Variants in BMPR2 observed in about 807,000 individuals in gnomAD.
BMPR2 encodes bone morphogenetic protein receptor type 2, also known as bone morphogenetic protein receptor type-2.
A neutral mutation model predicts 100.8 loss-of-function variants in BMPR2; 29 were observed. The ratio of observed to expected loss-of-function variants is 0.29; its 90% CI spans 0.21 to 0.39. BMPR2 has a LOEUF of 0.39. Among genes scored for constraint, BMPR2 ranks in the 10% least tolerant of loss-of-function variants. The pLI, the probability that BMPR2 is intolerant of heterozygous loss-of-function variation, is 1.00. For synonymous variants in BMPR2, 382 were observed against 442.3 expected, an observed-to-expected ratio of 0.86 and a Z score of 1.71; for missense variants, 1,011 against 1,274.5, an observed-to-expected ratio of 0.79 and a Z score of 3.15.
At chr2:202,466,103 A>G (rs1027664506) in intron 2 of BMPR2, among the ~76,000 whole-genome samples, 5 of 152,134 alleles carry the variant, frequency 3.3e-5, no homozygotes, top group African/African-American at 1.2e-4. Context: ...TTTAAACATA[A>G]TTTTTTGATT....
chr2:202,515,299 C>T (rs1046127461), intron 5 of BMPR2, among the ~76,000 whole-genome samples: 6 of 152,004 alleles, frequency 3.9e-5, no homozygotes, highest in African/African-American at 1.5e-4. Flanking sequence ...GGGCCAGGCG[C>T]AGTGGCTCAT....
chr2:202,550,303 G>A (rs1359709679), intron 10 of BMPR2, among the ~76,000 whole-genome samples: 2 of 151,284 alleles, frequency 1.3e-5, no homozygotes, highest in Non-Finnish European at 2.9e-5. Context: ...AACCCAAGAG[G>A]TGGAGCTTGC....
intron 2 of BMPR2, 51 bp from the exon 3 acceptor site, chr2:202,467,468 T>C (rs1559047484): frequency 1.4e-6 from 2 of 1,470,798 alleles, no homozygotes; most frequent in Non-Finnish European, 1.9e-6. Flanking sequence ...GTTTTTCTCT[T>C]AGTTTTCTTT....
At chr2:202,402,391 G>A (rs1272885264) in intron 1 of BMPR2, among the ~76,000 whole-genome samples, 5 of 152,112 alleles carry the variant, frequency 3.3e-5, no homozygotes, top group South Asian at 2.1e-4. Flanking sequence ...GGTGGCACAC[G>A]CCTGTATCCC....
At chr2:202,489,517 C>A (rs1462766698) in intron 3 of BMPR2, among the ~76,000 whole-genome samples, 1 of 152,126 alleles carries the variant, frequency 6.6e-6, no homozygotes, top group Non-Finnish European at 1.5e-5. Context: ...GAAGAAGGTG[C>A]TGAAGATAGA....
In BMPR2 at chr2:202,532,673, T is replaced by C. The variant is rs1247070046; in HGVS notation, c.1217T>C (p.Met406Thr). 6.2e-7 allele frequency: 1 copy of C among 1,613,830 alleles called. No individual in the cohort carries two copies. Among genetic ancestry groups the C allele is most frequent in the South Asian group, 1.1e-5 (1 of 91,082 alleles). Residue 406 changes from methionine (M) to threonine (T), a missense_variant, in exon 9 of 13, where the codon ATG becomes ACG. By Grantham distance (81) the Met-to-Thr change is moderately conservative (BLOSUM62 -1). Coordinates refer to ENST00000374580, the MANE Select transcript of BMPR2 (RefSeq NM_001204.7). This position sits in a 1 kb window ranked among gnomAD's most constrained non-coding sequence, Gnocchi z 4.1. ...DCESALKQVD[M>T]YALGLIYWEI... ...GAATCAGCTTTGAAACAAGTAGACA[T>C]GTATGCTCTTGGACTAATCTATTGG... is the stretch of plus-strand genomic sequence containing the variant.
intron 3 of BMPR2, among the ~76,000 whole-genome samples, chr2:202,498,612 C>T (rs554500525): frequency 1.4e-3 from 217 of 152,238 alleles, no homozygotes; most frequent in African/African-American, 4.7e-3. Flanking sequence ...ACCAAAACCA[C>T]GGGCGGTTTT....
chr2:202,483,201 G>C (rs1029174714), intron 3 of BMPR2, among the ~76,000 whole-genome samples: 1 of 151,888 alleles, frequency 6.6e-6, no homozygotes, highest in Non-Finnish European at 1.5e-5. Context: ...TTTTAATTGG[G>C]TCATTTGTTT....
intron 1 of BMPR2, among the ~76,000 whole-genome samples, chr2:202,458,715 C>G (rs1390936596): frequency 6.6e-6 from 1 of 152,030 alleles, no homozygotes; most frequent in Non-Finnish European, 1.5e-5. Flanking sequence ...TTTTTGCATT[C>G]TCTAACCCAA....
At chr2:202,536,865 G>A (rs1688169655) in intron 9 of BMPR2, among the ~76,000 whole-genome samples, 1 of 128,824 alleles carries the variant, frequency 7.8e-6, no homozygotes, top group African/African-American at 2.9e-5. Flanking sequence ...AGTGAAACTC[G>A]GTCTCAAAAA....
chr2:202,556,643 C>T (rs772675900), intron 12 of BMPR2, 112 bp downstream of exon 12: 3 of 1,321,236 alleles, frequency 2.3e-6, no homozygotes, highest in Non-Finnish European at 3.2e-6. Context: ...ACCTTTACCA[C>T]TTTTGTAAAT....
intron 3 of BMPR2, chr2:202,505,480 T>A (rs1438341012): frequency 6.6e-6 from 1 of 151,906 alleles, no homozygotes; most frequent in Admixed American, 6.6e-5. Context: ...CTCAGCCTCC[T>A]GAGTAGCTGG....
At chr2:202,390,669 C>T (rs909564400) in intron 1 of BMPR2, among the ~76,000 whole-genome samples, 6 of 151,994 alleles carry the variant, frequency 3.9e-5, no homozygotes, top group Admixed American at 6.6e-5. Context: ...TCAAATACTA[C>T]GTAATATCAT....
intron 3 of BMPR2, among the ~76,000 whole-genome samples, chr2:202,497,061 G>T (rs1228051034): frequency 1.3e-5 from 2 of 152,258 alleles, no homozygotes; most frequent in Non-Finnish European, 2.9e-5. Flanking sequence ...CGGGCCAGCG[G>T]CTGCGGGGGG....
intron 3 of BMPR2, among the ~76,000 whole-genome samples, chr2:202,487,717 C>T (rs1240700023): frequency 1.3e-5 from 2 of 152,172 alleles, no homozygotes; most frequent in Non-Finnish European, 2.9e-5. Flanking sequence ...GAAAGGACAG[C>T]AAATTATTAA....
rs1687843537 is a variant in BMPR2, at chr2:202,522,886, A to G, written c.967+2685A>G. On this transcript the variant is annotated intron_variant, in intron 7 of 12. Transcript: ENST00000374580. Reference sequence around the variant, plus strand: ...ACTCTGAACATTCTTCCTCTAAGATATACATGCGAGCATACTTAGAAAATG... The same window carrying G: ...ACTCTGAACATTCTTCCTCTAAGATGTACATGCGAGCATACTTAGAAAATG... 2.0e-5 allele frequency among the ~76,000 whole-genome samples: 3 copies of G among 152,214 alleles called. No individual in the cohort carries two copies. In the South Asian group the frequency reaches 6.2e-4, roughly 31 times the overall value.
intron 9 of BMPR2, among the ~76,000 whole-genome samples, chr2:202,537,819 T>C (rs770383902): frequency 4.5e-4 from 69 of 152,034 alleles, no homozygotes; most frequent in Non-Finnish European, 9.0e-4. Flanking sequence ...TGTGGTTATC[T>C]GTTAAAAGAA....
rs1402503196 is a variant in BMPR2, at chr2:202,376,521, GGCGGCGGCGGCGGCGGCGGCGGCGGCA to G, written c.-951_-925del. Among the ~76,000 whole-genome samples, 2 of 137,876 alleles carry G rather than the reference GGCGGCGGCGGCGGCGGCGGCGGCGGCA, an allele frequency of 1.5e-5. No individual in the cohort carries two copies. Among genetic ancestry groups the G allele is most frequent in the Non-Finnish European group, 3.1e-5 (2 of 64,066 alleles). The allele number at this position is 137,876 out of a possible 152,430, so 90.5% of individuals were successfully genotyped here. Reference sequence around the variant, plus strand: ...AGCTGCGGGAGAACGAGGCGGCGGCGGCGGCGGCGGCGGCGGCGGCGGCGGCAGCAGCAGCGGCTTCCTCGGGGGGTT... The same window carrying G: ...AGCTGCGGGAGAACGAGGCGGCGGCGGCAGCAGCGGCTTCCTCGGGGGGTT... On this transcript the variant is annotated 5_prime_UTR_variant, in exon 1 of 13. Transcript: ENST00000374580.
intron 1 of BMPR2, among the ~76,000 whole-genome samples, chr2:202,426,399 G>T (rs541716242): frequency 8.2e-4 from 125 of 151,766 alleles, no homozygotes; most frequent in African/African-American, 2.9e-3. Flanking sequence ...TGGCCAACAT[G>T]GTGAAACCCC....
Sources: allele counts gnomAD v4.1 joint callset (sites outside exome capture counted in the v4.1 genomes callset), GRCh38; gene constraint gnomAD v4.1.1; non-coding constraint Gnocchi (gnomAD v3.1); transcripts MANE v1.5; gene names NCBI Gene and HGNC (gene_info 2026-07-23, HGNC 2026-07-21).